Variants in DMD observed in about 807,000 individuals in gnomAD.
DMD encodes mutant dystrophin.
A neutral mutation model predicts 330.1 loss-of-function variants in DMD; 63 were observed. That is an observed-to-expected ratio of 0.19 (90% CI 0.16 to 0.24). The LOEUF (loss-of-function observed/expected upper bound fraction) is 0.24. Among genes scored for constraint, DMD ranks in the 10% least tolerant of loss-of-function variants. The pLI, the probability that DMD is intolerant of heterozygous loss-of-function variation, is 1.00. For missense variants in DMD, 3,344 were observed against 2,684.1 expected (o/e 1.25, Z -5.43); for synonymous variants, 1,223 against 959.8 (o/e 1.27, Z -5.07).
intron 11 of DMD, among the ~76,000 whole-genome samples, chrX:32,640,806 G>C (rs1215313200): frequency 9.0e-6 from 1 of 111,110 alleles, no homozygotes; most frequent in African/African-American, 3.3e-5. Flanking sequence ...AGGTTTTCTT[G>C]ACCTATCTCT....
chrX:32,110,680 GA>G (rs1343446891), intron 44 of DMD, among the ~76,000 whole-genome samples: 24 of 108,531 alleles, frequency 2.2e-4, no homozygotes, highest in East Asian at 1.5e-3. Context: ...ACACTAGGGG[GA>G]AAAAAAAAGC....
chrX:32,371,407 G>A (rs771242871), intron 34 of DMD, among the ~76,000 whole-genome samples: 1 of 110,470 alleles, frequency 9.1e-6, no homozygotes, highest in South Asian at 3.8e-4. Context: ...CAGGCGGTAG[G>A]ATGAACATAC....
chrX:31,307,740 A>G (rs1208319822), intron 62 of DMD, among the ~76,000 whole-genome samples: 1 of 112,084 alleles, frequency 8.9e-6, no homozygotes, highest in Non-Finnish European at 1.9e-5. Context: ...CTGGTTGAGT[A>G]TAACTGAATT....
intron 45 of DMD, among the ~76,000 whole-genome samples, chrX:31,943,307 A>G (rs1202127528): frequency 8.9e-6 from 1 of 112,241 alleles, no homozygotes; most frequent in Non-Finnish European, 1.9e-5. Flanking sequence ...ATCTCTATAA[A>G]CCAGTGGTAT....
At chrX:32,566,950 C>T (rs930164174) in intron 15 of DMD, among the ~76,000 whole-genome samples, 4 of 111,904 alleles carry the variant, frequency 3.6e-5, no homozygotes, top group East Asian at 5.6e-4. Context: ...CCTGTCTTTC[C>T]GAAACAAATG....
At chrX:32,695,536 G>A (rs1470942461) in intron 9 of DMD, among the ~76,000 whole-genome samples, 1 of 111,316 alleles carries the variant, frequency 9.0e-6, no homozygotes, top group Non-Finnish European at 1.9e-5. Context: ...TATTATTAGG[G>A]CTCTGAATAA....
intron 60 of DMD, among the ~76,000 whole-genome samples, chrX:31,423,000 C>T (rs2063524044): frequency 9.0e-6 from 1 of 111,544 alleles, no homozygotes; most frequent in African/African-American, 3.3e-5. Flanking sequence ...TCTTGCTGCA[C>T]GGATATATGT....
intron 1 of DMD, among the ~76,000 whole-genome samples, chrX:33,192,099 A>T (rs1352591859): frequency 8.9e-6 from 1 of 111,886 alleles, no homozygotes; most frequent in African/African-American, 3.2e-5. Context: ...CACCCAGTTC[A>T]CCTACATCTA....
intron 11 of DMD, among the ~76,000 whole-genome samples, chrX:32,636,542 T>C (rs1464093413): frequency 8.9e-6 from 1 of 112,458 alleles, no homozygotes; most frequent in Non-Finnish European, 1.9e-5. Context: ...TCCTGATCCA[T>C]TTTTGTCCTC....
intron 62 of DMD, among the ~76,000 whole-genome samples, chrX:31,292,017 G>A (rs770585640): frequency 1.8e-5 from 2 of 111,275 alleles, no homozygotes; most frequent in African/African-American, 6.5e-5. Flanking sequence ...TAAGTTTCTA[G>A]AAGATAATAA....
At chrX:33,236,569 C>T (rs2052489104) in intron 1 of DMD, among the ~76,000 whole-genome samples, 2 of 111,200 alleles carry the variant, frequency 1.8e-5, no homozygotes, top group African/African-American at 6.6e-5. Flanking sequence ...CCGGACTCTC[C>T]TTCCTCTTTC....
chrX:32,744,201 T>C (rs1282060519), intron 7 of DMD, among the ~76,000 whole-genome samples: 1 of 110,988 alleles, frequency 9.0e-6, no homozygotes, highest in Non-Finnish European at 1.9e-5. Flanking sequence ...CAATTTTTTT[T>C]TTTTTTGCCA....
intron 2 of DMD, among the ~76,000 whole-genome samples, chrX:33,000,263 A>G (rs1346581730): frequency 9.0e-6 from 1 of 111,515 alleles, no homozygotes; most frequent in African/African-American, 3.3e-5. Flanking sequence ...GCTTTGTTCA[A>G]TAGTGTTCAT....
intron 44 of DMD, among the ~76,000 whole-genome samples, chrX:32,132,601 T>C (rs1313733245): frequency 3.6e-5 from 4 of 111,400 alleles, no homozygotes; most frequent in African/African-American, 9.8e-5. Flanking sequence ...GTCATGTAGA[T>C]ACAGATGCTC....
intron 48 of DMD, among the ~76,000 whole-genome samples, chrX:31,863,334 C>T (rs1038275242): frequency 6.2e-5 from 7 of 112,082 alleles, no homozygotes; most frequent in African/African-American, 1.6e-4. Context: ...CTGAGCAAGA[C>T]TCCGTCTCAA....
chrX:32,653,273 A>AT (rs2060302917), intron 9 of DMD, among the ~76,000 whole-genome samples: 1 of 111,705 alleles, frequency 9.0e-6, no homozygotes, highest in Non-Finnish European at 1.9e-5. Context: ...GTTTTCTTCT[A>AT]GGTTTTTATG....
At chrX:31,272,679 G>A (rs1222816356) in intron 62 of DMD, among the ~76,000 whole-genome samples, 3 of 112,298 alleles carry the variant, frequency 2.7e-5, no homozygotes, top group Admixed American at 9.4e-5. Context: ...GGAAGTCTGC[G>A]TCTCTTCTCA....
chrX:32,004,656 T>C, intron 44 of DMD, among the ~76,000 whole-genome samples: 1 of 111,843 alleles, frequency 8.9e-6, no homozygotes, highest in Middle Eastern at 4.6e-3. Context: ...CTTTGCTTTT[T>C]AACTTGTGTT....
intron 61 of DMD, among the ~76,000 whole-genome samples, chrX:31,337,681 C>A (rs1958182266): frequency 8.9e-6 from 1 of 111,733 alleles, no homozygotes; most frequent in Non-Finnish European, 1.9e-5. Context: ...AAAAATACAC[C>A]CTTCAGAGCC....
Sources: allele counts gnomAD v4.1 joint callset (sites outside exome capture counted in the v4.1 genomes callset), GRCh38; gene constraint gnomAD v4.1.1; transcripts MANE v1.5; gene names NCBI Gene and HGNC (gene_info 2026-07-23, HGNC 2026-07-21).